The following GFRA1 variants were observed in gnomAD, a reference collection of about 807,000 sequenced individuals.
GFRA1 encodes GDNF family receptor alpha-1.
GFRA1 carries 16 observed loss-of-function variants against 51.6 expected under a neutral mutation model. The ratio of observed to expected loss-of-function variants is 0.31; its 90% CI spans 0.21 to 0.47. The LOEUF (loss-of-function observed/expected upper bound fraction) is 0.47, where lower values mean the gene tolerates loss of function less well. GFRA1 is among the 20% of genes least tolerant of loss of function. The pLI is 1.00. For missense variants in GFRA1, 530 were observed against 594.3 expected (o/e 0.89, Z 1.13); for synonymous variants, 270 against 241.3 (o/e 1.12, Z -1.10).
intron 5 of GFRA1, among the ~76,000 whole-genome samples, chr10:116,130,489 A>T (rs1958061591): frequency 6.6e-6 from 1 of 152,118 alleles, no homozygotes; most frequent in Non-Finnish European, 1.5e-5. Context: ...AAGGATTCAC[A>T]CTAACCTTTC....
intron 5 of GFRA1, among the ~76,000 whole-genome samples, chr10:116,127,235 G>T (rs2134032196): frequency 6.6e-6 from 1 of 152,280 alleles, no homozygotes; most frequent in South Asian, 2.1e-4. Flanking sequence ...TTAAAACTTT[G>T]TTAAGAGGGT....
At chr10:116,082,015 AT>A (rs1360371744) in intron 9 of GFRA1, among the ~76,000 whole-genome samples, 2 of 152,240 alleles carry the variant, frequency 1.3e-5, no homozygotes, top group Non-Finnish European at 2.9e-5. Context: ...GAGTGCAGAT[AT>A]GGCAAAGACT....
intron 5 of GFRA1, among the ~76,000 whole-genome samples, chr10:116,204,994 A>G (rs1270316909): frequency 1.3e-5 from 2 of 152,240 alleles, no homozygotes; most frequent in African/African-American, 2.4e-5. Context: ...CAAGATCAAC[A>G]TCAGCTGTCA....
At chr10:116,187,881 C>A (rs904959711) in intron 5 of GFRA1, among the ~76,000 whole-genome samples, 7 of 152,166 alleles carry the variant, frequency 4.6e-5, no homozygotes, top group Admixed American at 3.9e-4. Flanking sequence ...AGAGCCCTGG[C>A]CAGGGCTGGA....
At chr10:116,150,118 T>C (rs1312646167) in intron 5 of GFRA1, among the ~76,000 whole-genome samples, 1 of 152,172 alleles carries the variant, frequency 6.6e-6, no homozygotes, top group East Asian at 1.9e-4. Context: ...GTGGTAGGGC[T>C]GCAGTTTGAA....
chr10:116,272,446 C>T lies in GFRA1; in HGVS notation c.-246-171G>A. The stretch of plus-strand genomic sequence containing the variant: ...GCGTGTTTTCCAGGGGCCGCTGACA[C>T]GGGGATGGAGGTGAGGGCTGGAGAG... On this transcript the variant is annotated intron_variant, in intron 1 of 10. Transcript: ENST00000355422. The surrounding 1 kb of genome is among the most constrained non-coding windows in gnomAD (Gnocchi z 4.4). 2 of 304,540 alleles carry T rather than the reference C, an allele frequency of 6.6e-6. No homozygotes were observed. Among genetic ancestry groups the T allele is most frequent in the Non-Finnish European group, 1.3e-5 (2 of 157,408 alleles). 18.9% of individuals were successfully genotyped at this position (304,540 alleles called of 1,614,324 possible).
intron 4 of GFRA1, among the ~76,000 whole-genome samples, chr10:116,228,988 A>G (rs1966506286): frequency 7.0e-6 from 1 of 142,410 alleles, no homozygotes; most frequent in Non-Finnish European, 1.5e-5. Context: ...CTCAAAAAAA[A>G]AAAAAAAAAA....
chr10:116,142,673 G>A (rs1369867960), intron 5 of GFRA1, among the ~76,000 whole-genome samples: 2 of 152,108 alleles, frequency 1.3e-5, no homozygotes, highest in Non-Finnish European at 2.9e-5. Flanking sequence ...AAAGGTAATT[G>A]GGTAGTCTAA....
chr10:116,137,630 C>T (rs977898866), intron 5 of GFRA1, among the ~76,000 whole-genome samples: 1 of 152,144 alleles, frequency 6.6e-6, no homozygotes, highest in Non-Finnish European at 1.5e-5. Flanking sequence ...ATAATTGCAG[C>T]GCTTCACATT....
chr10:116,132,825 A>G (rs995623073), intron 5 of GFRA1, among the ~76,000 whole-genome samples: 1 of 152,130 alleles, frequency 6.6e-6, no homozygotes, highest in African/African-American at 2.4e-5. Context: ...GATTCAATTT[A>G]CACCCTTGGA....
At chr10:116,139,047 T>C (rs1442078694) in intron 5 of GFRA1, among the ~76,000 whole-genome samples, 1 of 152,204 alleles carries the variant, frequency 6.6e-6, no homozygotes, top group East Asian at 1.9e-4. Context: ...TCTCGTGGTG[T>C]TGGGCACCAA....
chr10:116,113,208 G>GTGAT (rs1394140889), intron 6 of GFRA1, among the ~76,000 whole-genome samples: 2 of 145,894 alleles, frequency 1.4e-5, no homozygotes, highest in East Asian at 2.0e-4. Context: ...GGAAAATATA[G>GTGAT]TGATTGTTAA....
chr10:116,211,745 T>C (rs1281514968), intron 4 of GFRA1, 100 bp from the exon 5 acceptor site: 1 of 948,634 alleles, frequency 1.1e-6, no homozygotes, highest in Non-Finnish European at 1.6e-6. Context: ...TGATGACATA[T>C]GCTGACTTTG....
chr10:116,115,463 G>C (rs1477344862), intron 6 of GFRA1, among the ~76,000 whole-genome samples: 2 of 152,084 alleles, frequency 1.3e-5, no homozygotes, highest in African/African-American at 4.8e-5. Context: ...GAGGTTCTCT[G>C]ATGTCGCACT....
chr10:116,250,714 TC>T (rs1303300854), intron 4 of GFRA1, among the ~76,000 whole-genome samples: 3 of 152,228 alleles, frequency 2.0e-5, no homozygotes, highest in African/African-American at 7.2e-5. Context: ...AGTTCATGAG[TC>T]CCACCACCCA....
At chr10:116,240,347 T>C (rs926846620) in intron 4 of GFRA1, among the ~76,000 whole-genome samples, 1 of 152,182 alleles carries the variant, frequency 6.6e-6, no homozygotes, top group African/African-American at 2.4e-5. Flanking sequence ...ACCCTTCCTG[T>C]AGCTCAGCTG....
At chr10:116,092,771 A>G (rs1259239399) in intron 8 of GFRA1, among the ~76,000 whole-genome samples, 4 of 151,128 alleles carry the variant, frequency 2.6e-5, no homozygotes, top group Non-Finnish European at 5.9e-5. Context: ...ACTCTTGTGT[A>G]GATTACAGTA....
chr10:116,151,491 A>T (rs546966405), intron 5 of GFRA1, among the ~76,000 whole-genome samples: 2 of 152,318 alleles, frequency 1.3e-5, no homozygotes, highest in East Asian at 3.9e-4. Context: ...ATGATCATTA[A>T]CTAGAGACTA....
chr10:116,060,632 A>G lies in GFRA1; in HGVS notation c.*3766T>C, dbSNP rs919362627. On this transcript the variant is annotated 3_prime_UTR_variant, in exon 11 of 11. Transcript: ENST00000355422. The stretch of plus-strand genomic sequence containing the variant: ...TGTCATTGCTTTTAGGTCGTTCTTG[A>G]AAAGATGGGTGTCACATAGTCTGAT... 2 of 152,178 alleles carry G rather than the reference A, an allele frequency of 1.3e-5. No individual in the cohort carries two copies. Among genetic ancestry groups the G allele is most frequent in the Non-Finnish European group, 2.9e-5 (2 of 68,040 alleles). The allele number at this position is 152,178 out of a possible 1,614,324, so 9.4% of individuals were successfully genotyped here.
Sources: gnomAD v4.1 joint callset for allele counts (sites outside exome capture counted in the v4.1 genomes callset) on GRCh38, gnomAD v4.1.1 for gene constraint, Gnocchi (gnomAD v3.1) non-coding constraint, MANE v1.5 for transcripts, NCBI Gene and HGNC (gene_info 2026-07-23, HGNC 2026-07-21) for gene names.